DCDC1: variants seen among roughly 807,000 people sequenced by gnomAD.
DCDC1 encodes doublecortin domain containing 1.
In DCDC1, 200 loss-of-function variants were observed where a neutral mutation model predicts 178.3. The ratio of observed to expected loss-of-function variants is 1.12; its 90% CI spans 1.00 to 1.26. The LOEUF (loss-of-function observed/expected upper bound fraction) is 1.26, where lower values mean the gene tolerates loss of function less well. DCDC1 is among the 50% of genes most tolerant of loss of function. The pLI, the probability that DCDC1 is intolerant of heterozygous loss-of-function variation, is 0.00. For missense variants in DCDC1, 1,983 were observed against 1,749.2 expected (o/e 1.13, Z -2.38); for synonymous variants, 690 against 604.8 (o/e 1.14, Z -2.07).
chr11:31,224,713 T>A (rs2136701004), intron 9 of DCDC1, among the ~76,000 whole-genome samples: 1 of 151,996 alleles, frequency 6.6e-6, no homozygotes, highest in South Asian at 2.1e-4. Context: ...AAATAGACAA[T>A]TCTCAAAGGA....
At chr11:30,950,314 C>A (rs1948342303) in intron 21 of DCDC1, among the ~76,000 whole-genome samples, 1 of 152,100 alleles carries the variant, frequency 6.6e-6, no homozygotes, top group Admixed American at 6.6e-5. Flanking sequence ...AAAAATAGAA[C>A]TACCATATGT....
intron 17 of DCDC1, among the ~76,000 whole-genome samples, chr11:31,082,181 T>C (rs1351385651): frequency 1.3e-5 from 2 of 152,176 alleles, no homozygotes; most frequent in African/African-American, 4.8e-5. Context: ...AGTCATAATA[T>C]CATGACATAC....
intron 9 of DCDC1, among the ~76,000 whole-genome samples, chr11:31,239,985 C>A (rs956522145): frequency 1.3e-5 from 2 of 151,524 alleles, no homozygotes; most frequent in Non-Finnish European, 2.9e-5. Context: ...TTTCTAACAT[C>A]CTTACTTGAA....
intron 9 of DCDC1, among the ~76,000 whole-genome samples, chr11:31,214,873 C>T (rs919724237): frequency 2.6e-5 from 4 of 151,382 alleles, no homozygotes; most frequent in African/African-American, 9.7e-5. Context: ...AATAATTTAA[C>T]TAACATAAGA....
At chr11:31,239,859 T>C (rs1038645688) in intron 9 of DCDC1, among the ~76,000 whole-genome samples, 2 of 151,910 alleles carry the variant, frequency 1.3e-5, no homozygotes, top group African/African-American at 2.4e-5. Flanking sequence ...AAAGTATTTT[T>C]TTCTTACAAT....
In DCDC1 at chr11:31,335,555, T is replaced by A. The variant is rs576634475; in HGVS notation, c.-115A>T. The stretch of plus-strand genomic sequence containing the variant: ...CTTGGAATGGAATCTGGAATTTTCT[T>A]ATTTGCAATCTGGAAAATAGAGTAA... On this transcript the variant is annotated 5_prime_UTR_variant, in exon 2 of 39. It removes the in-frame stop codon of an upstream open reading frame in the 5' UTR. Coordinates refer to ENST00000684477, the MANE Select transcript of DCDC1 (RefSeq NM_001387274.1). The A allele has an allele frequency of 6.6e-6, 1 of 152,396 alleles. No individual in the cohort carries two copies. Among genetic ancestry groups the A allele is most frequent in the South Asian group, 2.1e-4 (1 of 4,828 alleles). 9.4% of individuals were successfully genotyped at this position (152,396 alleles called of 1,614,324 possible). A position where few individuals can be genotyped will look rare whatever the true frequency, so the allele number is the denominator to read the frequency against.
chr11:31,220,998 C>T (rs11031320), intron 9 of DCDC1, among the ~76,000 whole-genome samples: 45,559 of 152,064 alleles, frequency 0.3, 8,306 homozygotes, highest in East Asian at 0.63. Flanking sequence ...TTCATTTAAC[C>T]TTAATTACTT....
intron 9 of DCDC1, among the ~76,000 whole-genome samples, chr11:31,154,050 C>T (rs534046730): frequency 7.9e-5 from 12 of 152,274 alleles, no homozygotes; most frequent in South Asian, 2.1e-4. Flanking sequence ...GCTATTCTCA[C>T]GCTAGCGAGT....
At chr11:31,309,620 A>G (rs1349503800) in intron 3 of DCDC1, among the ~76,000 whole-genome samples, 1 of 152,220 alleles carries the variant, frequency 6.6e-6, no homozygotes, top group Non-Finnish European at 1.5e-5. Flanking sequence ...TTACTTGAAG[A>G]GCAGATTCCC....
chr11:31,335,021 C>T (rs569617827), intron 2 of DCDC1, among the ~76,000 whole-genome samples: 8 of 152,160 alleles, frequency 5.3e-5, no homozygotes, highest in Middle Eastern at 3.4e-3. Flanking sequence ...GGGGTCTAGA[C>T]ACAGCAGGGC....
intron 22 of DCDC1, among the ~76,000 whole-genome samples, chr11:30,931,027 A>G (rs1946892988): frequency 6.6e-6 from 1 of 152,176 alleles, no homozygotes; most frequent in African/African-American, 2.4e-5. Flanking sequence ...AAACTATTAT[A>G]GCAGCCTCAA....
At chr11:31,262,972 A>G in intron 8 of DCDC1, 3 of 1,501,200 alleles carry the variant, frequency 2.0e-6, no homozygotes, top group Non-Finnish European at 2.7e-6. Context: ...GGCATGCATT[A>G]AAATGTGATA....
At chr11:30,985,585 T>C (rs1950598786) in intron 20 of DCDC1, among the ~76,000 whole-genome samples, 1 of 152,122 alleles carries the variant, frequency 6.6e-6, no homozygotes, top group Admixed American at 6.5e-5. Context: ...AAACAGAAGA[T>C]AGACTATTTT....
chr11:31,277,736 C>A (rs1171429917), intron 7 of DCDC1, among the ~76,000 whole-genome samples: 1 of 152,038 alleles, frequency 6.6e-6, no homozygotes, highest in Non-Finnish European at 1.5e-5. Flanking sequence ...GCCTCATTCA[C>A]ATCTTTTGAC....
chr11:30,957,717 T>G (rs941957402), intron 20 of DCDC1, among the ~76,000 whole-genome samples: 1 of 152,150 alleles, frequency 6.6e-6, no homozygotes, highest in South Asian at 2.1e-4. Context: ...GGGACATGCA[T>G]GGTGAAGTGA....
At chr11:31,277,128 A>G (rs1006872408) in intron 7 of DCDC1, among the ~76,000 whole-genome samples, 1 of 152,062 alleles carries the variant, frequency 6.6e-6, no homozygotes, top group African/African-American at 2.4e-5. Flanking sequence ...TTCTTTTCCA[A>G]TTACAACTCA....
intron 20 of DCDC1, among the ~76,000 whole-genome samples, chr11:30,978,295 C>A (rs1464523815): frequency 6.6e-6 from 1 of 152,180 alleles, no homozygotes. Flanking sequence ...TATGTCTTAA[C>A]CAACAACTGA....
chr11:31,041,371 C>T (rs1357435100), intron 20 of DCDC1, among the ~76,000 whole-genome samples: 1 of 152,188 alleles, frequency 6.6e-6, no homozygotes, highest in African/African-American at 2.4e-5. Context: ...GTCCCAAGCA[C>T]TATTTCTAAG....
At chr11:30,897,168 A>G (rs1406886647) in intron 34 of DCDC1, among the ~76,000 whole-genome samples, 1 of 152,258 alleles carries the variant, frequency 6.6e-6, no homozygotes, top group Non-Finnish European at 1.5e-5. Flanking sequence ...CAATAGAGAC[A>G]TGATTTATGT....
Sources: gnomAD v4.1 joint callset for allele counts (sites outside exome capture counted in the v4.1 genomes callset) on GRCh38, gnomAD v4.1.1 for gene constraint, MANE v1.5 for transcripts, NCBI Gene and HGNC (gene_info 2026-07-23, HGNC 2026-07-21) for gene names.